ZFHX3: variants seen among roughly 807,000 people sequenced by gnomAD.
The protein encoded by ZFHX3 is zinc finger homeobox protein 3.
ZFHX3 carries 42 observed loss-of-function variants against 279.1 expected under a neutral mutation model. That is an observed-to-expected ratio of 0.15 (90% CI 0.12 to 0.19). The LOEUF is 0.19. ZFHX3 is among the 10% of genes least tolerant of loss of function. The pLI is 1.00. For synonymous variants in ZFHX3, 2,293 were observed against 1,957.8 expected (o/e 1.17, Z -4.52); for missense variants, 4,981 against 4,754.0 (o/e 1.05, Z -1.40).
chr16:73,548,633 T>C (rs1400258301), intron 2 of ZFHX3, among the ~76,000 whole-genome samples: 1 of 152,140 alleles, frequency 6.6e-6, no homozygotes, highest in East Asian at 1.9e-4. Context: ...AAATCATCTT[T>C]AAACAATGGC....
chr16:73,430,196 A>T (rs2017887095), intron 3 of ZFHX3, among the ~76,000 whole-genome samples: 1 of 151,846 alleles, frequency 6.6e-6, no homozygotes, highest in Admixed American at 6.6e-5. Context: ...GCTCTCCTCC[A>T]CTCAACTCAT....
chr16:73,295,247 C>T (rs1227801619), intron 4 of ZFHX3, among the ~76,000 whole-genome samples: 1 of 152,146 alleles, frequency 6.6e-6, no homozygotes, highest in African/African-American at 2.4e-5. Flanking sequence ...TCCACAGCCA[C>T]GCTCTTCCTG....
In ZFHX3 at chr16:73,639,670, C is replaced by T. The variant is rs142561303; in HGVS notation, c.-1547+40510G>A. Among the ~76,000 whole-genome samples the T allele has an allele frequency of 3.9e-3, 587 of 152,256 alleles. 4 individuals are homozygous for T. Among genetic ancestry groups the T allele is most frequent in the Middle Eastern group, 0.017 (5 of 294 alleles). On this transcript the variant is annotated intron_variant, in intron 2 of 17. Transcript: ENST00000641206. The stretch of plus-strand genomic sequence containing the variant: ...AAAAGCAAGTCTAAACTCAAAGCCT[C>T]ATAGACTTCCAGTTAAACATGGTAG...
intron 5 of ZFHX3, among the ~76,000 whole-genome samples, chr16:73,254,386 C>A (rs758323966): frequency 1.4e-4 from 21 of 151,770 alleles, no homozygotes; most frequent in Non-Finnish European, 1.2e-4. Context: ...GTTTTGGCTT[C>A]TGCTTGTTGG....
intron 1 of ZFHX3, among the ~76,000 whole-genome samples, chr16:73,767,616 G>A (rs1426074380): frequency 6.6e-6 from 1 of 152,138 alleles, no homozygotes; most frequent in Non-Finnish European, 1.5e-5. Context: ...ATTTTCCAGG[G>A]CAATTAAGAG....
chr16:73,339,696 T>C (rs1489152851), intron 3 of ZFHX3, among the ~76,000 whole-genome samples: 5 of 152,184 alleles, frequency 3.3e-5, no homozygotes. Flanking sequence ...AGGAGGCCTA[T>C]GGTAATATTT....
At chr16:73,608,279 T>C (rs1324977784) in intron 2 of ZFHX3, among the ~76,000 whole-genome samples, 6 of 152,194 alleles carry the variant, frequency 3.9e-5, no homozygotes, top group African/African-American at 9.6e-5. Context: ...TGGTCCCATA[T>C]TCTGACCATA....
intron 4 of ZFHX3, among the ~76,000 whole-genome samples, chr16:72,884,967 T>G (rs2038587252): frequency 6.6e-6 from 1 of 152,200 alleles, no homozygotes; most frequent in Admixed American, 6.5e-5. Context: ...AGAGACTACT[T>G]GGTCTTGCAG....
At chr16:73,665,212 CTTT>C (rs11410802) in intron 2 of ZFHX3, among the ~76,000 whole-genome samples, 4 of 138,538 alleles carry the variant, frequency 2.9e-5, no homozygotes, top group Admixed American at 7.3e-5. Context: ...CATCATTGCA[CTTT>C]TTTTTTTTTT....
At chr16:73,758,973 G>A (rs2053837560) in intron 1 of ZFHX3, among the ~76,000 whole-genome samples, 1 of 152,222 alleles carries the variant, frequency 6.6e-6, no homozygotes, top group Non-Finnish European at 1.5e-5. Flanking sequence ...TGGTGCATGG[G>A]CATTACAAGT....
At chr16:73,473,707 C>T (rs1354318005) in intron 2 of ZFHX3, among the ~76,000 whole-genome samples, 1 of 152,202 alleles carries the variant, frequency 6.6e-6, no homozygotes, top group Non-Finnish European at 1.5e-5. Context: ...CCAAACTCTA[C>T]CATCTCATGG....
chr16:72,989,351 G>A (rs1962979728), intron 1 of ZFHX3, among the ~76,000 whole-genome samples: 1 of 151,924 alleles, frequency 6.6e-6, no homozygotes, highest in Non-Finnish European at 1.5e-5. Context: ...GCGTGGTGCT[G>A]CATGACAGTA....
intron 4 of ZFHX3, among the ~76,000 whole-genome samples, chr16:72,885,244 A>G (rs1337839357): frequency 6.6e-6 from 1 of 152,254 alleles, no homozygotes; most frequent in African/African-American, 2.4e-5. Flanking sequence ...CCACATGGGC[A>G]CAGAAGCCTA....
intron 4 of ZFHX3, among the ~76,000 whole-genome samples, chr16:73,274,430 C>T (rs2014238362): frequency 6.6e-6 from 1 of 152,046 alleles, no homozygotes; most frequent in South Asian, 2.1e-4. Flanking sequence ...GAAAGTGTGC[C>T]CTCTTCAGTA....
At chr16:73,485,388 T>G (rs2018954609) in intron 2 of ZFHX3, among the ~76,000 whole-genome samples, 1 of 147,834 alleles carries the variant, frequency 6.8e-6, no homozygotes, top group South Asian at 2.2e-4. Flanking sequence ...AGTCCAGGTT[T>G]CAAGTCTGTT....
At chr16:72,954,771 C>T (rs764545219) in intron 2 of ZFHX3, among the ~76,000 whole-genome samples, 18 of 152,162 alleles carry the variant, frequency 1.2e-4, no homozygotes, top group Non-Finnish European at 2.9e-5. Flanking sequence ...CTGTACTAGG[C>T]GAAGGAGCCC....
At chr16:72,933,638 C>G (rs1041384492) in intron 3 of ZFHX3, among the ~76,000 whole-genome samples, 1 of 152,022 alleles carries the variant, frequency 6.6e-6, no homozygotes, top group South Asian at 2.1e-4. Context: ...ACACTCCACC[C>G]CTCCCCCTAC....
chr16:72,968,983 C>T (rs1416341288), intron 1 of ZFHX3, among the ~76,000 whole-genome samples: 1 of 151,946 alleles, frequency 6.6e-6, no homozygotes, highest in African/African-American at 2.4e-5. Context: ...TACATATATA[C>T]AGCAGGAATA....
Position 72,950,582 on chromosome 16 carries a change from C to T in ZFHX3, c.3103G>A (p.Gly1035Ser), listed in dbSNP as rs147374923. The change falls in exon 3 of 10, where the codon GGC (glycine) becomes AGC (serine). Residue 1035 changes from glycine (G) to serine (S), a missense_variant. Physicochemically the swap from Gly to Ser is moderately conservative, Grantham distance 56. Coordinates refer to ENST00000268489, the MANE Select transcript of ZFHX3 (RefSeq NM_006885.4). The stretch of plus-strand genomic sequence containing the variant: ...TTGCACTTGAGGTGCACGGGGTTGC[C>T]GATGGCCACACACTTGAGCCTCCAC... The part of the protein sequence containing the change: ...NEWRLKCVAI[G>S]NPVHLKCNAC... 159 of 1,614,174 alleles carry T rather than the reference C, an allele frequency of 9.9e-5. No homozygotes were observed. The African/African-American group carries it at 1.6e-3, about 16-fold the overall frequency.
Sources: gnomAD v4.1 joint callset for allele counts (sites outside exome capture counted in the v4.1 genomes callset) on GRCh38, gnomAD v4.1.1 for gene constraint, MANE v1.5 for transcripts, NCBI Gene and HGNC (gene_info 2026-07-23, HGNC 2026-07-21) for gene names.